The following MRTFB variants were observed in gnomAD, a reference collection of about 807,000 sequenced individuals.
MRTFB encodes myocardin related transcription factor B.
In MRTFB, 29 loss-of-function variants were observed where a neutral mutation model predicts 104.2. The observed-to-expected ratio is 0.28, with a 90% CI of 0.21 to 0.38. MRTFB has a LOEUF of 0.38. Among genes scored for constraint, MRTFB ranks in the 10% least tolerant of loss-of-function variants. The pLI, the probability that MRTFB is intolerant of heterozygous loss-of-function variation, is 1.00. For synonymous variants in MRTFB, 535 were observed against 519.5 expected, an observed-to-expected ratio of 1.03 and a Z score of -0.41; for missense variants, 1,270 against 1,341.6, an observed-to-expected ratio of 0.95 and a Z score of 0.83.
chr16:14,251,188 A>G (rs2043238313), intron 13 of MRTFB, among the ~76,000 whole-genome samples: 1 of 151,962 alleles, frequency 6.6e-6, no homozygotes, highest in African/African-American at 2.4e-5. Context: ...CATCCTGGCT[A>G]ACAACAGTGA....
chr16:14,156,687 TAATA>T (rs2038839889), intron 3 of MRTFB, among the ~76,000 whole-genome samples: 1 of 152,250 alleles, frequency 6.6e-6, no homozygotes, highest in African/African-American at 2.4e-5. Flanking sequence ...CATTGTTCAT[TAATA>T]AATAATTAAT....
At chr16:14,204,998 A>G (rs922614205) in intron 3 of MRTFB, among the ~76,000 whole-genome samples, 2 of 152,234 alleles carry the variant, frequency 1.3e-5, no homozygotes, top group Admixed American at 6.5e-5. Flanking sequence ...TTAGTAAACT[A>G]TGCCATATCC....
the MRTFB span, among the ~76,000 whole-genome samples, chr16:14,017,708 TATA>T: frequency 5.0e-3 from 108 of 21,524 alleles, 6 homozygotes; most frequent in Non-Finnish European, 9.9e-3. Context: ...TATATATATA[TATA>T]TTTTTTTTTT....
the MRTFB span, among the ~76,000 whole-genome samples, chr16:14,000,773 T>C: frequency 6.6e-6 from 1 of 152,192 alleles, no homozygotes; most frequent in Non-Finnish European, 1.5e-5. Flanking sequence ...CATCACACAG[T>C]GTCTGAGTTT....
At chr16:14,097,965 T>A (rs2035483316) in intron 2 of MRTFB, among the ~76,000 whole-genome samples, 2 of 152,102 alleles carry the variant, frequency 1.3e-5, no homozygotes, top group South Asian at 2.1e-4. Context: ...AATTTGTATA[T>A]CTGTTCACTG....
chr16:14,066,521 C>T (rs1473933683), upstream of MRTFB, among the ~76,000 whole-genome samples: 1 of 152,132 alleles, frequency 6.6e-6, no homozygotes, highest in African/African-American at 2.4e-5. Flanking sequence ...GATCTGCCCA[C>T]CTCGGCCTCC....
intron 2 of MRTFB, among the ~76,000 whole-genome samples, chr16:14,115,413 C>T (rs2036493948): frequency 6.6e-6 from 1 of 152,066 alleles, no homozygotes; most frequent in Non-Finnish European, 1.5e-5. Context: ...ATGTTTCATA[C>T]TGTAAGTAAG....
At chr16:14,234,952 T>C (rs1340414947) in intron 9 of MRTFB, among the ~76,000 whole-genome samples, 1 of 152,210 alleles carries the variant, frequency 6.6e-6, no homozygotes, top group Non-Finnish European at 1.5e-5. Context: ...AAGTGAGGAA[T>C]AGTTTAGGTG....
At chr16:14,234,641 A>G (rs1443109927) in intron 9 of MRTFB, among the ~76,000 whole-genome samples, 1 of 152,136 alleles carries the variant, frequency 6.6e-6, no homozygotes, top group East Asian at 1.9e-4. Context: ...AAAAAATTCA[A>G]AAAGTTAGCC....
At chr16:14,002,421 G>T in the MRTFB span, among the ~76,000 whole-genome samples, 1 of 151,722 alleles carries the variant, frequency 6.6e-6, no homozygotes, top group East Asian at 1.9e-4. Flanking sequence ...GTGTCCGGGA[G>T]GTGTTAATGA....
At chr16:14,201,347 G>C (rs535508752) in intron 3 of MRTFB, among the ~76,000 whole-genome samples, 26 of 152,278 alleles carry the variant, frequency 1.7e-4, no homozygotes, top group African/African-American at 5.8e-4. Context: ...TGTTCTTAGT[G>C]TGTCTCAAAG....
chr16:14,258,081 T>A lies in MRTFB; in HGVS notation c.2704-20T>A, dbSNP rs1426314951. Reference sequence around the variant, plus strand: ...AGGTTTGTATGAAAGAAACCTAATTTGTACTCTCCTTCATTGTAGATTTCC... The same window carrying A: ...AGGTTTGTATGAAAGAAACCTAATTAGTACTCTCCTTCATTGTAGATTTCC... On this transcript the variant is annotated intron_variant, in intron 15 of 16. Coordinates refer to ENST00000571589, the MANE Select transcript of MRTFB (RefSeq NM_001308142.2). The A allele has an allele frequency of 6.2e-7, 1 of 1,610,384 alleles. No individual in the cohort carries two copies. The highest frequency in any genetic ancestry group is 1.3e-5 in the African/African-American group (1 of 74,854).
upstream of MRTFB, among the ~76,000 whole-genome samples, chr16:14,069,573 C>T (rs903633506): frequency 1.3e-5 from 2 of 152,224 alleles, no homozygotes; most frequent in African/African-American, 4.8e-5. Flanking sequence ...GCAGCCTCGA[C>T]TCCTGGGCTC....
At chr16:14,166,968 C>T (rs1226967690) in intron 3 of MRTFB, among the ~76,000 whole-genome samples, 5 of 152,196 alleles carry the variant, frequency 3.3e-5, no homozygotes, top group Admixed American at 6.5e-5. Context: ...CTGCAGTTAA[C>T]ATACATGTGC....
rs2040681075 is a variant in MRTFB at position 14,201,089 on chromosome 16, C to T, written c.155-9154C>T. 1.1e-5 allele frequency: 16 copies of T among 1,427,572 alleles called. No individual in the cohort carries two copies. In the Middle Eastern group the frequency reaches 6.0e-4, roughly 53 times the overall value. The allele number at this position is 1,427,572 out of a possible 1,614,324, so 88.4% of individuals were successfully genotyped here. A position where few individuals can be genotyped will look rare whatever the true frequency, so the allele number is the denominator to read the frequency against. On this transcript the variant is annotated intron_variant, in intron 3 of 16. Coordinates refer to ENST00000571589, the MANE Select transcript of MRTFB (RefSeq NM_001308142.2). ...AACGAGGAGTGTTGGCTTTGTTTTT[C>T]CACTTAAAAACTTTATTTATAAAAA...
chr16:14,124,904 A>G (rs1251648661), intron 2 of MRTFB, among the ~76,000 whole-genome samples: 1 of 152,074 alleles, frequency 6.6e-6, no homozygotes, highest in Non-Finnish European at 1.5e-5. Flanking sequence ...CCTATAAAAT[A>G]TTTTTTAACC....
intron 3 of MRTFB, among the ~76,000 whole-genome samples, chr16:14,157,715 G>A (rs2038879302): frequency 1.3e-5 from 2 of 152,180 alleles, no homozygotes. Context: ...ATTGAGTTTG[G>A]TTCTCAGGTT....
rs1234325107 is a variant in MRTFB at position 14,248,961 on chromosome 16, G to C, written c.2283G>C (p.Gln761His). The change falls in exon 13 of 17, where the codon CAG becomes CAC. Residue 761 changes from glutamine (Q) to histidine (H), a missense_variant. Around this residue, in one of 3 missense-constraint regions of MRTFB, gnomAD observed 1,144 missense variants for 1,131.5 expected, o/e 1.01. Coordinates refer to ENST00000571589, the MANE Select transcript of MRTFB (RefSeq NM_001308142.2). ...AAGCAGGAATGCAGACTCAGCCTCAGATAGCAACTGCTGCACAAATACCAA... is the reference window on the plus strand; with the variant it reads ...AAGCAGGAATGCAGACTCAGCCTCACATAGCAACTGCTGCACAAATACCAA... ...SPQAGMQTQP[Q>H]IATAAQIPTA... 10 of 1,614,146 alleles carry C rather than the reference G, an allele frequency of 6.2e-6. No homozygotes were observed. The highest frequency in any genetic ancestry group is 6.8e-6 in the Non-Finnish European group (8 of 1,180,032).
chr16:14,086,147 A>G (rs1237438211), intron 2 of MRTFB, among the ~76,000 whole-genome samples: 2 of 152,236 alleles, frequency 1.3e-5, no homozygotes, highest in African/African-American at 4.8e-5. Context: ...AAATAGAAGC[A>G]GAGAAATTGA....
Sources: gnomAD v4.1 joint callset for allele counts (sites outside exome capture counted in the v4.1 genomes callset) on GRCh38, gnomAD v4.1.1 for gene constraint, gnomAD v4.1.1 regional missense constraint, MANE v1.5 for transcripts, NCBI Gene and HGNC (gene_info 2026-07-23, HGNC 2026-07-21) for gene names.